DAZAP2: variants seen among roughly 807,000 people sequenced by gnomAD.
The protein encoded by DAZAP2 is DAZ associated protein 2.
DAZAP2 carries 3 observed loss-of-function variants against 16.2 expected under a neutral mutation model. That is an observed-to-expected ratio of 0.19 (90% CI 0.08 to 0.48). DAZAP2 has a LOEUF of 0.48. Ranked by LOEUF, DAZAP2 falls within the 20% of genes least tolerant of loss-of-function variation. The pLI is 0.98. For missense variants in DAZAP2, 172 were observed against 215.9 expected (o/e 0.80, Z 1.27); for synonymous variants, 69 against 77.6 (o/e 0.89, Z 0.58).
intron 1 of DAZAP2, 125 bp downstream of exon 1, chr12:51,239,045 G>C (rs1944608072): frequency 7.3e-7 from 1 of 1,368,654 alleles, no homozygotes; most frequent in Non-Finnish European, 9.8e-7. Flanking sequence ...TTGGCCGGCT[G>C]CAGTCCAGGG....
At chr12:51,246,638 G>A (rs1944775909), downstream of DAZAP2, 3 of 629,518 alleles carry the variant, frequency 4.8e-6, no homozygotes, top group South Asian at 2.4e-5. Context: ...GTGTGTGTGT[G>A]TAATATAACT....
downstream of DAZAP2, chr12:51,245,796 C>G: frequency 1.2e-6 from 1 of 853,808 alleles, no homozygotes; most frequent in Non-Finnish European, 1.8e-6. Context: ...GTGATGTCGG[C>G]ATTTGGGACT....
Position 51,241,071 on chromosome 12 carries a change from T to G in DAZAP2, c.333T>G (p.Asp111Glu), listed in dbSNP as rs768554866. ...GSTVLVEGGY[D>E]AGARFGAGAT... ...CAGTGCTGGTGGAAGGAGGGTATGA[T>G]GCAGGTGCCAGATTTGGAGCTGGGG... Residue 111 changes from aspartate (D) to glutamate (E), a missense_variant, in exon 3 of 4, where the codon GAT (aspartate) becomes GAG (glutamate). By Grantham distance (45) the Asp-to-Glu change is conservative. Coordinates refer to ENST00000412716, the MANE Select transcript of DAZAP2 (RefSeq NM_014764.4). 1 of 1,614,240 alleles carries G rather than the reference T, an allele frequency of 6.2e-7. No individual in the cohort carries two copies. The highest frequency in any genetic ancestry group is 8.5e-7 in the Non-Finnish European group (1 of 1,180,052).
In DAZAP2 at chr12:51,243,203, CGAACCT is replaced by C; in HGVS notation, c.*746_*751del. 2 of 985,850 alleles carry C rather than the reference CGAACCT, an allele frequency of 2.0e-6. No homozygotes were observed. Among genetic ancestry groups the C allele is most frequent in the Non-Finnish European group, 2.4e-6 (2 of 829,986 alleles). The allele number at this position is 985,850 out of a possible 1,614,324, so 61.1% of individuals were successfully genotyped here. A position where few individuals can be genotyped will look rare whatever the true frequency, so the allele number is the denominator to read the frequency against. The stretch of plus-strand genomic sequence containing the variant: ...TCCTCATAGGTTGTCTCTGCATACA[CGAACCT>C]AACCCAAATTTGCTTTGGTGCCAGA... On this transcript the variant is annotated 3_prime_UTR_variant, in exon 4 of 4. Coordinates refer to ENST00000412716, the MANE Select transcript of DAZAP2 (RefSeq NM_014764.4).
In DAZAP2 at chr12:51,243,672, C is replaced by T. The variant is rs1010278173; in HGVS notation, c.*1214C>T. The T allele has an allele frequency of 9.1e-6, 9 of 985,638 alleles. No individual in the cohort carries two copies. The highest frequency in any genetic ancestry group is 1.1e-5 in the Non-Finnish European group (9 of 829,852). The allele number at this position is 985,638 out of a possible 1,614,324, so 61.1% of individuals were successfully genotyped here. On this transcript the variant is annotated 3_prime_UTR_variant, in exon 4 of 4. Coordinates refer to ENST00000412716, the MANE Select transcript of DAZAP2 (RefSeq NM_014764.4). Reference sequence around the variant, plus strand: ...ACCATTGACTGTTATGGAAGTTCAGCGTTGTATGTCTCTCTCTACACTGTG... The same window carrying T: ...ACCATTGACTGTTATGGAAGTTCAGTGTTGTATGTCTCTCTCTACACTGTG...
At chr12:51,241,931 A>T (rs1422687807) in intron 3 of DAZAP2, among the ~76,000 whole-genome samples, 5 of 136,006 alleles carry the variant, frequency 3.7e-5, no homozygotes, top group African/African-American at 6.1e-5. Flanking sequence ...CAAAAAAATT[A>T]AAAAAAAAAA....
intron 3 of DAZAP2, 81 bp downstream of exon 3, chr12:51,241,197 A>G (rs1944670090): frequency 1.3e-6 from 2 of 1,557,232 alleles, no homozygotes; most frequent in South Asian, 1.2e-5. Flanking sequence ...TTCTCTTACC[A>G]TTTCTGGATG....
At position 51,243,636 on chromosome 12, in the gene DAZAP2, T is replaced by C. The variant is rs1417881988; in HGVS notation, c.*1178T>C. 1 of 985,754 alleles carries C rather than the reference T, an allele frequency of 1.0e-6. No homozygotes were observed. The highest frequency in any genetic ancestry group is 1.2e-6 in the Non-Finnish European group (1 of 829,916). 61.1% of individuals were successfully genotyped at this position (985,754 alleles called of 1,614,324 possible). Reference sequence around the variant, plus strand: ...TAAATTGTGTGTTCTGTACATGTGATGTTTGACTGTACCATTGACTGTTAT... The same window carrying C: ...TAAATTGTGTGTTCTGTACATGTGACGTTTGACTGTACCATTGACTGTTAT... On this transcript the variant is annotated 3_prime_UTR_variant, in exon 4 of 4. Transcript: ENST00000412716.
At position 51,240,237 on chromosome 12, in the gene DAZAP2, C is replaced by T; in HGVS notation, c.14-106C>T. 3 of 833,230 alleles carry T rather than the reference C, an allele frequency of 3.6e-6. No individual in the cohort carries two copies. The South Asian group carries it at 4.4e-5, about 12-fold the overall frequency. 51.6% of individuals were successfully genotyped at this position (833,230 alleles called of 1,614,324 possible). A position where few individuals can be genotyped will look rare whatever the true frequency, so the allele number is the denominator to read the frequency against. Reference sequence around the variant, plus strand: ...CAGGCCCTCTGGGGCAGACTATTTGCAAATCCCCTTCTGCTTGCTCCCACT... The same window carrying T: ...CAGGCCCTCTGGGGCAGACTATTTGTAAATCCCCTTCTGCTTGCTCCCACT... On this transcript the variant is annotated intron_variant, in intron 1 of 3. Transcript: ENST00000412716.
At chr12:51,246,567 G>A, downstream of DAZAP2, 1 of 478,500 alleles carries the variant, frequency 2.1e-6, no homozygotes, top group Non-Finnish European at 3.6e-6. Flanking sequence ...TCATTTACTG[G>A]TAGTGCCTCT....
chr12:51,243,882 GCT>G lies in DAZAP2; in HGVS notation c.*1427_*1428del, dbSNP rs76567392. The G allele has an allele frequency of 1.7e-5, 17 of 985,202 alleles. No individual in the cohort carries two copies. The highest frequency in any genetic ancestry group is 1.1e-4 in the East Asian group (1 of 8,832). The allele number at this position is 985,202 out of a possible 1,614,324, so 61.0% of individuals were successfully genotyped here. ...TAGAATTCAGCTAGGTGCTGCTGCT[GCT>G]CTGTTTCCTTTGATGACGCTTTGAA... On this transcript the variant is annotated 3_prime_UTR_variant, in exon 4 of 4. Transcript: ENST00000412716.
Position 51,240,349 on chromosome 12 carries a change from A to ATCC in DAZAP2, c.21_23dup (p.Pro8dup). On this transcript the variant is annotated inframe_insertion, in exon 2 of 4. Coordinates refer to ENST00000412716, the MANE Select transcript of DAZAP2 (RefSeq NM_014764.4). ...TTTTTTTCTTGTCTTTCAGGTCAAT[A>ATCC]TCCAACACAGCCAACCTACCCTGTG... 1.2e-6 allele frequency: 2 copies of ATCC among 1,613,758 alleles called. No individual in the cohort carries two copies. The highest frequency in any genetic ancestry group is 1.7e-6 in the Non-Finnish European group (2 of 1,179,800).
chr12:51,241,154 G>A, intron 3 of DAZAP2, 38 bp downstream of exon 3: 1 of 1,600,666 alleles, frequency 6.2e-7, no homozygotes, highest in African/African-American at 1.3e-5. Flanking sequence ...CAGCCCTTGT[G>A]TATTTTAACT....
chr12:51,238,831 G>GGAA lies in DAZAP2; in HGVS notation c.-75_-73dup. 1.2e-6 allele frequency: 2 copies of GGAA among 1,609,458 alleles called. No homozygotes were observed. The highest frequency in any genetic ancestry group is 1.7e-6 in the Non-Finnish European group (2 of 1,178,784). On this transcript the variant is annotated 5_prime_UTR_variant, in exon 1 of 4. Transcript: ENST00000412716. ...AGGCGGACGGACCATCATGTGACAC[G>GGAA]GAAGTAGCTCCGAACAGGAAGAGGA...
chr12:51,241,920 T>C (rs1330971515), intron 3 of DAZAP2, among the ~76,000 whole-genome samples: 1 of 148,516 alleles, frequency 6.7e-6, no homozygotes, highest in Non-Finnish European at 1.5e-5. Context: ...AGACTCTATC[T>C]CAAAAAAATT....
chr12:51,242,264 TC>T, intron 3 of DAZAP2, 65 bp from the exon 4 acceptor site: 1 of 1,513,350 alleles, frequency 6.6e-7, no homozygotes, highest in Non-Finnish European at 8.8e-7. Flanking sequence ...GGCCTCTGCT[TC>T]CCCTATGTCC....
At chr12:51,244,820 C>CTT (rs5798164), downstream of DAZAP2, 10,978 of 91,922 alleles carry the variant, frequency 0.12, 1,332 homozygotes, top group East Asian at 0.33. Flanking sequence ...TCCCAGGGTA[C>CTT]TTTTTTTTTT....
At chr12:51,242,133 GCT>G in intron 3 of DAZAP2, among the ~76,000 whole-genome samples, 195 bp from the exon 4 acceptor site, 1 of 152,164 alleles carries the variant, frequency 6.6e-6, no homozygotes, top group African/African-American at 2.4e-5. Context: ...TGAGTGGTAG[GCT>G]CCCTTTCCTG....
chr12:51,243,013 C>T lies in DAZAP2; in HGVS notation c.*555C>T. 1 of 1,003,362 alleles carries T rather than the reference C, an allele frequency of 1.0e-6. No homozygotes were observed. The highest frequency in any genetic ancestry group is 1.2e-6 in the Non-Finnish European group (1 of 841,864). 62.2% of individuals were successfully genotyped at this position (1,003,362 alleles called of 1,614,324 possible). A position where few individuals can be genotyped will look rare whatever the true frequency, so the allele number is the denominator to read the frequency against. On this transcript the variant is annotated 3_prime_UTR_variant, in exon 4 of 4. Coordinates refer to ENST00000412716, the MANE Select transcript of DAZAP2 (RefSeq NM_014764.4). Reference sequence around the variant, plus strand: ...GAATCAATGGTGCAGGACAGAAAGCCAGTCAGACTAATTTCCTTCTTTCCT... The same window carrying T: ...GAATCAATGGTGCAGGACAGAAAGCTAGTCAGACTAATTTCCTTCTTTCCT...
Sources: gnomAD v4.1 joint callset for allele counts (sites outside exome capture counted in the v4.1 genomes callset) on GRCh38, gnomAD v4.1.1 for gene constraint, MANE v1.5 for transcripts, NCBI Gene and HGNC (gene_info 2026-07-23, HGNC 2026-07-21) for gene names.